FXYD6: variants seen among roughly 807,000 people sequenced by gnomAD.
FXYD6 encodes FXYD domain containing ion transport regulator 6.
In FXYD6, 7 loss-of-function variants were observed where a neutral mutation model predicts 16.7. The ratio of observed to expected loss-of-function variants is 0.42; its 90% confidence interval spans 0.24 to 0.79. FXYD6 has a LOEUF of 0.79. Among genes scored for constraint, FXYD6 ranks in the 30% least tolerant of loss-of-function variants. FXYD6 has a pLI of 0.28. For missense variants in FXYD6, 111 were observed against 116.2 expected (o/e 0.95, Z 0.21); for synonymous variants, 49 against 43.0 (o/e 1.14, Z -0.54).
intron 1 of FXYD6, among the ~76,000 whole-genome samples, chr11:117,860,289 T>C (rs900748107): frequency 5.3e-5 from 8 of 152,208 alleles, no homozygotes; most frequent in African/African-American, 1.9e-4. Flanking sequence ...ACTGTGGCTC[T>C]TTGAAGGGCC....
chr11:117,840,436 C>T, intron 5 of FXYD6, 68 bp from the exon 6 acceptor site: 1 of 1,606,134 alleles, frequency 6.2e-7, no homozygotes, highest in Non-Finnish European at 8.5e-7. Context: ...CATCGTTCTG[C>T]TCCTCACTGG....
At chr11:117,876,234 G>A (rs1405728252) in intron 1 of FXYD6, among the ~76,000 whole-genome samples, 5 of 152,040 alleles carry the variant, frequency 3.3e-5, no homozygotes, top group African/African-American at 1.2e-4. Flanking sequence ...AGTAACAAAG[G>A]GAAAACTCCT....
At chr11:117,869,397 G>A (rs377434496) in intron 1 of FXYD6, among the ~76,000 whole-genome samples, 16 of 152,306 alleles carry the variant, frequency 1.1e-4, no homozygotes, top group African/African-American at 3.6e-4. Flanking sequence ...CCTGTCAGGC[G>A]CCTTCAGTAG....
chr11:117,850,101 C>G (rs1454454338), intron 1 of FXYD6, among the ~76,000 whole-genome samples: 1 of 152,212 alleles, frequency 6.6e-6, no homozygotes, highest in Non-Finnish European at 1.5e-5. Flanking sequence ...TGCCAATCAC[C>G]TTTCCCTATG....
chr11:117,875,456 A>G (rs2057237331), intron 1 of FXYD6, among the ~76,000 whole-genome samples: 1 of 152,104 alleles, frequency 6.6e-6, no homozygotes, highest in Non-Finnish European at 1.5e-5. Context: ...AGGAATGGGC[A>G]GGAGAAAGAG....
chr11:117,840,282 C>A (rs762560468), intron 6 of FXYD6, 37 bp downstream of exon 6: 2 of 1,614,102 alleles, frequency 1.2e-6, no homozygotes, highest in East Asian at 4.5e-5. Flanking sequence ...TCTCTGTTCC[C>A]TCTTTTCCAC....
At position 117,872,508 on chromosome 11, in the gene FXYD6, C is replaced by T. The variant is rs1046164559; in HGVS notation, c.-6+4084G>A. Among the ~76,000 whole-genome samples the T allele has an allele frequency of 3.9e-5, 6 of 152,172 alleles. No individual in the cohort carries two copies. The highest frequency in any genetic ancestry group is 4.8e-5 in the African/African-American group (2 of 41,440). ...GGGGAACATTTATTAAAAGGATGAA[C>T]GAGGGAGTTTGAAACCTTAGCCTCT... On this transcript the variant is annotated intron_variant, in intron 1 of 7. Transcript: ENST00000526014. The surrounding 1 kb of genome is among the most constrained non-coding windows in gnomAD (Gnocchi z 4.9).
intron 1 of FXYD6, among the ~76,000 whole-genome samples, chr11:117,851,132 C>T (rs1216160477): frequency 6.6e-6 from 1 of 152,212 alleles, no homozygotes; most frequent in Non-Finnish European, 1.5e-5. Flanking sequence ...GCCTGCAAGA[C>T]AGCTCCCAGT....
intron 1 of FXYD6, among the ~76,000 whole-genome samples, chr11:117,868,571 A>T (rs2057060918): frequency 6.6e-6 from 1 of 152,186 alleles, no homozygotes; most frequent in South Asian, 2.1e-4. Flanking sequence ...GACTCAATGG[A>T]GTGTGGTATC....
chr11:117,860,525 A>G (rs2056880453), intron 1 of FXYD6, among the ~76,000 whole-genome samples: 1 of 152,238 alleles, frequency 6.6e-6, no homozygotes, highest in South Asian at 2.1e-4. Flanking sequence ...CACCCCTGAG[A>G]AAGCATTGAT....
At chr11:117,854,222 T>C (rs1053216431) in intron 1 of FXYD6, among the ~76,000 whole-genome samples, 1 of 152,032 alleles carries the variant, frequency 6.6e-6, no homozygotes, top group Non-Finnish European at 1.5e-5. Flanking sequence ...GGCCATGGTG[T>C]GAATATTGGA....
chr11:117,855,576 G>A (rs1321153670), intron 1 of FXYD6, among the ~76,000 whole-genome samples: 2 of 152,172 alleles, frequency 1.3e-5, no homozygotes, highest in Non-Finnish European at 2.9e-5. Context: ...CAGAGAGGAA[G>A]CTGGGCTGCT....
At chr11:117,874,396 G>C (rs1468136154) in intron 1 of FXYD6, among the ~76,000 whole-genome samples, 1 of 152,122 alleles carries the variant, frequency 6.6e-6, no homozygotes, top group Non-Finnish European at 1.5e-5. Context: ...TTGCACACCC[G>C]CTTCCTCTCC....
intron 1 of FXYD6, among the ~76,000 whole-genome samples, chr11:117,874,065 C>T (rs1376741834): frequency 6.6e-6 from 1 of 152,150 alleles, no homozygotes; most frequent in Admixed American, 6.5e-5. Context: ...AAGGCCTCAG[C>T]GACTACTGGC....
At position 117,838,077 on chromosome 11, in the gene FXYD6, G is replaced by A. The variant is rs2056240908; in HGVS notation, c.*222C>T. 1.5e-6 allele frequency: 1 copy of A among 677,808 alleles called. No homozygotes were observed. The highest frequency in any genetic ancestry group is 1.6e-5 in the South Asian group (1 of 63,846). 42.0% of individuals were successfully genotyped at this position (677,808 alleles called of 1,614,324 possible). ...CACACACACACACACATCACGGGAG[G>A]TGGGCAGGACCGCAGGCTGCAGTGG... On this transcript the variant is annotated 3_prime_UTR_variant, in exon 8 of 8. Transcript: ENST00000526014.
At chr11:117,861,816 T>C (rs1171358541) in intron 1 of FXYD6, among the ~76,000 whole-genome samples, 3 of 152,154 alleles carry the variant, frequency 2.0e-5, no homozygotes, top group Non-Finnish European at 4.4e-5. Flanking sequence ...AGGGTCCTCG[T>C]GAGGTCACAG....
At chr11:117,842,092 C>T in intron 2 of FXYD6, 64 bp from the exon 3 acceptor site, 2 of 1,610,810 alleles carry the variant, frequency 1.2e-6, no homozygotes, top group Non-Finnish European at 1.7e-6. Flanking sequence ...AAATATCTAA[C>T]CTTGCCTCAC....
intron 1 of FXYD6, among the ~76,000 whole-genome samples, chr11:117,846,852 A>G (rs1021398180): frequency 1.8e-4 from 28 of 152,260 alleles, no homozygotes; most frequent in African/African-American, 6.5e-4. Flanking sequence ...TTCTTCAGGA[A>G]TGTCTTCATT....
chr11:117,861,069 C>G (rs2056893856), intron 1 of FXYD6, among the ~76,000 whole-genome samples: 1 of 152,178 alleles, frequency 6.6e-6, no homozygotes, highest in Non-Finnish European at 1.5e-5. Flanking sequence ...CTTGGCTTCT[C>G]AGAGTCTTGG....
Sources: gnomAD v4.1 joint callset for allele counts (sites outside exome capture counted in the v4.1 genomes callset) on GRCh38, gnomAD v4.1.1 for gene constraint, Gnocchi (gnomAD v3.1) non-coding constraint, MANE v1.5 for transcripts, NCBI Gene and HGNC (gene_info 2026-07-23, HGNC 2026-07-21) for gene names.